The following SMIM26 variants were observed in gnomAD, a reference collection of about 807,000 sequenced individuals.
SMIM26 encodes small integral membrane protein 26, also known as long intergenic non-protein coding RNA 493.
A neutral mutation model predicts 2.5 loss-of-function variants in SMIM26; 2 were observed. That is an observed-to-expected ratio of 0.80 (90% CI 0.33 to 2.53). The LOEUF (loss-of-function observed/expected upper bound fraction) is 2.53, where lower values mean the gene tolerates loss of function less well. SMIM26 is among the 30% of genes most tolerant of loss of function. SMIM26 has a pLI of 0.11. For synonymous variants in SMIM26, 32 were observed against 17.8 expected, an observed-to-expected ratio of 1.80 and a Z score of -2.01; for missense variants, 77 against 46.1, an observed-to-expected ratio of 1.67 and a Z score of -1.94.
At chr20:18,567,672 T>A in intron 1 of SMIM26, 76 bp downstream of exon 1, 1 of 689,370 alleles carries the variant, frequency 1.5e-6, no homozygotes, top group South Asian at 1.5e-5. Flanking sequence ...TGGAAACAAC[T>A]TCCCTGTCCT....
rs2060524633 is a variant in SMIM26, at chr20:18,569,436, G to A, written c.*31G>A. On this transcript the variant is annotated 3_prime_UTR_variant, in exon 2 of 2. Transcript: ENST00000411646. ...TGCTGAATTCTGAAAACCAGGACTT[G>A]GTTCAACATTTAAATTTGATAGTTG... 1 of 702,534 alleles carries A rather than the reference G, an allele frequency of 1.4e-6. No individual in the cohort carries two copies. Among genetic ancestry groups the A allele is most frequent in the African/African-American group, 1.7e-5 (1 of 57,196 alleles). The allele number at this position is 702,534 out of a possible 1,614,324, so 43.5% of individuals were successfully genotyped here. A position where few individuals can be genotyped will look rare whatever the true frequency, so the allele number is the denominator to read the frequency against.
rs1232171075 is a variant in SMIM26 at position 18,569,348 on chromosome 20, A to G, written c.231A>G (p.Thr77=). Residue 77 remains threonine (T), a synonymous_variant, in exon 2 of 2, where the codon ACA becomes ACG. Coordinates refer to ENST00000411646, the MANE Select transcript of SMIM26 (RefSeq NM_001348957.2). ...ATAAAGAAGATTTTGTTCCAAATACAGAAAAGATCCTCAACTATTGGAAAT... is the reference window on the plus strand; with the variant it reads ...ATAAAGAAGATTTTGTTCCAAATACGGAAAAGATCCTCAACTATTGGAAAT... The part of the protein sequence containing the change: ...VTYKEDFVPN[T]EKILNYWKSW... The G allele has an allele frequency of 2.8e-6, 2 of 702,950 alleles. No individual in the cohort carries two copies. The highest frequency in any genetic ancestry group is 5.2e-6 in the Non-Finnish European group (2 of 384,996). 43.5% of individuals were successfully genotyped at this position (702,950 alleles called of 1,614,324 possible). A position where few individuals can be genotyped will look rare whatever the true frequency, so the allele number is the denominator to read the frequency against.
chr20:18,568,723 C>T (rs1170914635), intron 1 of SMIM26: 5 of 152,308 alleles, frequency 3.3e-5, no homozygotes. Flanking sequence ...ATTCTCCTGC[C>T]TCAGCCTCCC....
Position 18,567,569 on chromosome 20 carries a change from T to G in SMIM26, c.91T>G (p.Tyr31Asp), listed in dbSNP as rs768132115. 4 of 703,054 alleles carry G rather than the reference T, an allele frequency of 5.7e-6. No individual in the cohort carries two copies. The highest frequency in any genetic ancestry group is 4.4e-5 in the South Asian group (3 of 67,606). The allele number at this position is 703,054 out of a possible 1,614,324, so 43.6% of individuals were successfully genotyped here. The change falls in exon 1 of 2, where the codon TAT (tyrosine) becomes GAT (aspartate). Residue 31 changes from tyrosine to aspartate, a missense_variant. By Grantham distance (160) the Tyr-to-Asp change is radical. Coordinates refer to ENST00000411646, the MANE Select transcript of SMIM26 (RefSeq NM_001348957.2). ...GTCTGTGTTGGGCTCACTGCTTTAC[T>G]ATAGCCGGACAATGGCGAAGTCGTC... ...TWSVLGSLLYYSRTMAKSSVD... is the reference protein window; with the variant it reads ...TWSVLGSLLYDSRTMAKSSVD...
rs2122216399 is a variant in SMIM26 at position 18,569,480 on chromosome 20, G to A, written c.*75G>A. On this transcript the variant is annotated 3_prime_UTR_variant, in exon 2 of 2. Transcript: ENST00000411646. The stretch of plus-strand genomic sequence containing the variant: ...ATAGTTGCCCTGATTCCCATTTTGG[G>A]TTTGTGAAAAGTGTATGTATTTAAA... 1.4e-6 allele frequency: 1 copy of A among 700,856 alleles called. No individual in the cohort carries two copies. The highest frequency in any genetic ancestry group is 2.6e-6 in the Non-Finnish European group (1 of 384,206). 43.4% of individuals were successfully genotyped at this position (700,856 alleles called of 1,614,324 possible). A position where few individuals can be genotyped will look rare whatever the true frequency, so the allele number is the denominator to read the frequency against.
At chr20:18,567,902 T>A (rs1461949982) in intron 1 of SMIM26, among the ~76,000 whole-genome samples, 1 of 152,214 alleles carries the variant, frequency 6.6e-6, no homozygotes, top group Non-Finnish European at 1.5e-5. Context: ...TGGCCGGTGA[T>A]TTTTAAAGAG....
At chr20:18,569,027 CG>C (rs1568632405) in intron 1 of SMIM26, 1 of 449,912 alleles carries the variant, frequency 2.2e-6, no homozygotes, top group Admixed American at 3.9e-5. Flanking sequence ...CCACCTGCCT[CG>C]GCCCCCACAA....
At chr20:18,568,428 G>A (rs1264088066) in intron 1 of SMIM26, among the ~76,000 whole-genome samples, 2 of 152,046 alleles carry the variant, frequency 1.3e-5, no homozygotes, top group Non-Finnish European at 2.9e-5. Flanking sequence ...GATTGCTTGA[G>A]CCCAGGGGTT....
intron 1 of SMIM26, 86 bp downstream of exon 1, chr20:18,567,682 T>C: frequency 1.5e-6 from 1 of 688,010 alleles, no homozygotes; most frequent in East Asian, 2.7e-5. Flanking sequence ...TTCCCTGTCC[T>C]TTAAATCCCA....
chr20:18,569,228 T>A lies in SMIM26; in HGVS notation c.119-8T>A, dbSNP rs1220478017. On this transcript the variant is annotated splice_region_variant and splice_polypyrimidine_tract_variant and intron_variant, in intron 1 of 1. Coordinates refer to ENST00000411646, the MANE Select transcript of SMIM26 (RefSeq NM_001348957.2). ...TCTTTTTTTTTTTTTCTCTTAATGG[T>A]GATAAAGTAGACCAAAAGGATGGCT... The A allele has an allele frequency of 1.5e-6, 1 of 680,806 alleles. No individual in the cohort carries two copies. Among genetic ancestry groups the A allele is most frequent in the Non-Finnish European group, 2.7e-6 (1 of 377,178 alleles). 42.2% of individuals were successfully genotyped at this position (680,806 alleles called of 1,614,324 possible). A position where few individuals can be genotyped will look rare whatever the true frequency, so the allele number is the denominator to read the frequency against.
At chr20:18,569,002 C>T in intron 1 of SMIM26, 1 of 400,068 alleles carries the variant, frequency 2.5e-6, no homozygotes, top group East Asian at 4.2e-5. Flanking sequence ...TCTCAAACAC[C>T]TGACCTCAGG....
downstream of SMIM26, chr20:18,569,579 T>C (rs1375857575): frequency 1.2e-5 from 6 of 482,046 alleles, no homozygotes; most frequent in African/African-American, 9.9e-5. Flanking sequence ...GTTTTCTTTT[T>C]TTTTTTTTTT....
downstream of SMIM26, chr20:18,569,569 G>GTTT (rs1181019084): frequency 3.7e-6 from 2 of 533,650 alleles, no homozygotes; most frequent in Admixed American, 3.5e-5. Flanking sequence ...AACTATCTGC[G>GTTT]TTTTCTTTTT....
chr20:18,569,206 T>C (rs1173532749), intron 1 of SMIM26, 30 bp from the exon 2 acceptor site: 9 of 296,338 alleles, frequency 3.0e-5, no homozygotes, highest in Non-Finnish European at 4.5e-5. Flanking sequence ...CAGGTGTTCT[T>C]TTTTTTTTTT....
intron 1 of SMIM26, among the ~76,000 whole-genome samples, chr20:18,567,896 C>T (rs142515568): frequency 1.1e-4 from 17 of 152,252 alleles, no homozygotes; most frequent in African/African-American, 3.4e-4. Context: ...AGACTCTGGC[C>T]GGTGATTTTT....
At chr20:18,567,926 C>T (rs531114069) in intron 1 of SMIM26, among the ~76,000 whole-genome samples, 1 of 152,326 alleles carries the variant, frequency 6.6e-6, no homozygotes, top group East Asian at 1.9e-4. Flanking sequence ...TGCTTCAGTA[C>T]TACTGTCCCT....
chr20:18,567,564 T>A lies in SMIM26; in HGVS notation c.86T>A (p.Leu29His), dbSNP rs11554436. Residue 29 changes from leucine to histidine, a missense_variant, in exon 1 of 2, where the codon CTT becomes CAT. Physicochemically the swap from Leu to His is moderately conservative, Grantham distance 99. Coordinates refer to ENST00000411646, the MANE Select transcript of SMIM26 (RefSeq NM_001348957.2). ...ACCTGGTCTGTGTTGGGCTCACTGC[T>A]TTACTATAGCCGGACAATGGCGAAG... ...IGTWSVLGSLLYYSRTMAKSS... is the reference protein window; with the variant it reads ...IGTWSVLGSLHYYSRTMAKSS... 2.8e-6 allele frequency: 2 copies of A among 703,032 alleles called. No homozygotes were observed. Among genetic ancestry groups the A allele is most frequent in the Admixed American group, 4.0e-5 (2 of 50,024 alleles). 43.5% of individuals were successfully genotyped at this position (703,032 alleles called of 1,614,324 possible).
In SMIM26 at chr20:18,569,296, G is replaced by T; in HGVS notation, c.179G>T (p.Gly60Val). ...VPSELSERPK[G>V]FYVETVVTYK... Reference sequence around the variant, plus strand: ...AGTGAACTCTCTGAACGCCCAAAAGGATTTTATGTGGAAACAGTTGTCACA... The same window carrying T: ...AGTGAACTCTCTGAACGCCCAAAAGTATTTTATGTGGAAACAGTTGTCACA... Residue 60 changes from glycine to valine, a missense_variant, in exon 2 of 2, where the codon GGA (glycine) becomes GTA (valine). By Grantham distance (109) the Gly-to-Val change is moderately radical (BLOSUM62 -3). Transcript: ENST00000411646. 1.4e-6 allele frequency: 1 copy of T among 702,634 alleles called. No individual in the cohort carries two copies. Among genetic ancestry groups the T allele is most frequent in the Non-Finnish European group, 2.6e-6 (1 of 384,964 alleles). 43.5% of individuals were successfully genotyped at this position (702,634 alleles called of 1,614,324 possible).
chr20:18,569,276 A>C lies in SMIM26; in HGVS notation c.159A>C (p.Glu53Asp). 1.4e-6 allele frequency: 1 copy of C among 702,250 alleles called. No homozygotes were observed. The highest frequency in any genetic ancestry group is 1.5e-5 in the South Asian group (1 of 67,578). The allele number at this position is 702,250 out of a possible 1,614,324, so 43.5% of individuals were successfully genotyped here. A position where few individuals can be genotyped will look rare whatever the true frequency, so the allele number is the denominator to read the frequency against. ...KDGSASEVPS[E>D]LSERPKGFYV... ...GCTCAGCAAGTGAAGTACCCAGTGAACTCTCTGAACGCCCAAAAGGATTTT... is the reference window on the plus strand; with the variant it reads ...GCTCAGCAAGTGAAGTACCCAGTGACCTCTCTGAACGCCCAAAAGGATTTT... Residue 53 changes from glutamate (E) to aspartate (D), a missense_variant, in exon 2 of 2, where the codon GAA (glutamate) becomes GAC (aspartate). Coordinates refer to ENST00000411646, the MANE Select transcript of SMIM26 (RefSeq NM_001348957.2).
Sources: gnomAD v4.1 joint callset for allele counts (sites outside exome capture counted in the v4.1 genomes callset) on GRCh38, gnomAD v4.1.1 for gene constraint, MANE v1.5 for transcripts, NCBI Gene and HGNC (gene_info 2026-07-23, HGNC 2026-07-21) for gene names.